MYPN: variants seen among roughly 807,000 people sequenced by gnomAD.
MYPN encodes the protein myopalladin.
In MYPN, 63 loss-of-function variants were observed where a neutral mutation model predicts 129.4. That is an observed-to-expected ratio of 0.49 (90% CI 0.40 to 0.60). The LOEUF (loss-of-function observed/expected upper bound fraction) is 0.60. Among genes scored for constraint, MYPN ranks in the 20% least tolerant of loss-of-function variants. The pLI is 0.00. For synonymous variants in MYPN, 629 were observed against 600.9 expected (o/e 1.05, Z -0.68); for missense variants, 1,596 against 1,635.4 (o/e 0.98, Z 0.42).
chr10:68,120,900 T>C (rs2042231150), intron 1 of MYPN, among the ~76,000 whole-genome samples: 1 of 152,198 alleles, frequency 6.6e-6, no homozygotes, highest in Non-Finnish European at 1.5e-5. Flanking sequence ...GTGGTAATCA[T>C]CCAGGTCTTT....
chr10:68,138,213 C>A (rs2042518198), intron 2 of MYPN, among the ~76,000 whole-genome samples: 1 of 151,584 alleles, frequency 6.6e-6, no homozygotes, highest in Non-Finnish European at 1.5e-5. Flanking sequence ...AGCGATTCTC[C>A]TTCCTCAGTC....
intron 1 of MYPN, among the ~76,000 whole-genome samples, chr10:68,091,896 T>A (rs1185271284): frequency 6.6e-6 from 1 of 151,720 alleles, no homozygotes; most frequent in Non-Finnish European, 1.5e-5. Context: ...GTAATTCTGC[T>A]CCCTGGCTAT....
intron 1 of MYPN, among the ~76,000 whole-genome samples, chr10:68,112,450 T>G (rs2042095396): frequency 6.6e-6 from 1 of 152,156 alleles, no homozygotes; most frequent in Non-Finnish European, 1.5e-5. Flanking sequence ...CTTTTACCAA[T>G]TCGATTAAAA....
chr10:68,105,850 G>A (rs1018318630), upstream of MYPN, among the ~76,000 whole-genome samples: 1 of 152,066 alleles, frequency 6.6e-6, no homozygotes, highest in Non-Finnish European at 1.5e-5. Context: ...CTTTATTCTT[G>A]AGAATTTCTT....
intron 16 of MYPN, 70 bp downstream of exon 16, chr10:68,197,548 T>C: frequency 1.3e-6 from 2 of 1,599,896 alleles, no homozygotes; most frequent in Non-Finnish European, 1.7e-6. Context: ...TCATTTTTAT[T>C]TGTATTTGTT....
At chr10:68,090,223 C>T (rs769729510) in intron 1 of MYPN, among the ~76,000 whole-genome samples, 8 of 151,956 alleles carry the variant, frequency 5.3e-5, no homozygotes, top group East Asian at 1.9e-4. Flanking sequence ...AGTGCAGTGG[C>T]GCAATCTCAG....
chr10:68,182,513 A>AT lies in MYPN; in HGVS notation c.2704-6381dup, dbSNP rs199889782. Among the ~76,000 whole-genome samples, 19 of 131,256 alleles carry AT rather than the reference A, an allele frequency of 1.4e-4. 1 individual carries two copies. The highest frequency in any genetic ancestry group is 9.7e-4 in the South Asian group (4 of 4,134). 86.1% of individuals were successfully genotyped at this position (131,256 alleles called of 152,430 possible). On this transcript the variant is annotated intron_variant, in intron 12 of 19. Coordinates refer to ENST00000358913, the MANE Select transcript of MYPN (RefSeq NM_032578.4). ...ACACACACACATATATATATATGGC[A>AT]TTTTTTTTTTTGAGATGGAGTTTTA...
At chr10:68,186,205 A>G (rs1245742848) in intron 12 of MYPN, among the ~76,000 whole-genome samples, 1 of 152,204 alleles carries the variant, frequency 6.6e-6, no homozygotes, top group African/African-American at 2.4e-5. Context: ...TTTCCACCCT[A>G]TAAGAACTGT....
Position 68,174,514 on chromosome 10 carries a change from C to A in MYPN, c.2422C>A (p.Gln808Lys). The change falls in exon 11 of 20, where the codon CAG (glutamine) becomes AAG (lysine). Residue 808 changes from glutamine (Q) to lysine (K), a missense_variant. Gln to Lys is a moderately conservative substitution (Grantham distance 53, BLOSUM62 1). Transcript: ENST00000358913. The stretch of plus-strand genomic sequence containing the variant: ...TTCCATCCCCAGCGGAAACCAGTTT[C>A]AGCCCCGCTGTGTGTCCCCAATTCC... ...TFSIPSGNQF[Q>K]PRCVSPIPVS... The A allele has an allele frequency of 6.2e-7, 1 of 1,614,142 alleles. No homozygotes were observed. The highest frequency in any genetic ancestry group is 8.5e-7 in the Non-Finnish European group (1 of 1,179,992).
chr10:68,107,246 C>A (rs1230879839), upstream of MYPN, among the ~76,000 whole-genome samples: 1 of 150,124 alleles, frequency 6.7e-6, no homozygotes, highest in Admixed American at 6.7e-5. Flanking sequence ...TCAAAGAGCT[C>A]AAAAATTGTG....
chr10:68,124,115 A>G (rs993631633), intron 2 of MYPN, among the ~76,000 whole-genome samples: 2 of 152,184 alleles, frequency 1.3e-5, no homozygotes, highest in African/African-American at 4.8e-5. Flanking sequence ...TGACTAGGCT[A>G]TACCTAATTT....
chr10:68,106,710 CA>C (rs762778536), upstream of MYPN: 15 of 716,940 alleles, frequency 2.1e-5, 1 homozygote, highest in South Asian at 2.2e-4. Flanking sequence ...AATCTACTAG[CA>C]TGGAAATTCT....
intron 10 of MYPN, among the ~76,000 whole-genome samples, chr10:68,169,116 C>A (rs552429914): frequency 7.2e-6 from 1 of 138,736 alleles, no homozygotes; most frequent in African/African-American, 2.8e-5. Context: ...GAGGCCAAGG[C>A]GGGCGGATCA....
At chr10:68,119,938 C>T (rs1317803180) in intron 1 of MYPN, among the ~76,000 whole-genome samples, 1 of 151,912 alleles carries the variant, frequency 6.6e-6, no homozygotes, top group African/African-American at 2.4e-5. Flanking sequence ...TGGGACAGTT[C>T]CTAGGAAGCC....
chr10:68,183,326 G>C (rs2043368791), intron 12 of MYPN, among the ~76,000 whole-genome samples: 1 of 152,126 alleles, frequency 6.6e-6, no homozygotes. Context: ...AGGTGTGGGG[G>C]TGCTGTGTGC....
At chr10:68,206,999 T>A (rs1379925309) in intron 19 of MYPN, 96 bp downstream of exon 19, 2 of 1,488,320 alleles carry the variant, frequency 1.3e-6, no homozygotes, top group Non-Finnish European at 1.8e-6. Context: ...GGCTCATGCC[T>A]GTAATCCCAG....
rs781212389 is a variant in MYPN at position 68,211,352 on chromosome 10, C to T, written c.*897C>T. The T allele has an allele frequency of 2.2e-6, 1 of 451,828 alleles. No individual in the cohort carries two copies. Among genetic ancestry groups the T allele is most frequent in the Non-Finnish European group, 4.4e-6 (1 of 226,160 alleles). 28.0% of individuals were successfully genotyped at this position (451,828 alleles called of 1,614,324 possible). On this transcript the variant is annotated 3_prime_UTR_variant, in exon 20 of 20. Transcript: ENST00000358913. ...ACCTCATGGGCTCCTACCCCTTTCC[C>T]CAAAAGTCTGAAAGTGTAGGAGGAA...
intron 17 of MYPN, among the ~76,000 whole-genome samples, chr10:68,199,844 A>G (rs1336658898): frequency 6.6e-6 from 1 of 152,246 alleles, no homozygotes; most frequent in Non-Finnish European, 1.5e-5. Context: ...ATTAGCTGTC[A>G]CTAAATTCCA....
chr10:68,120,948 T>C (rs2042231759), intron 1 of MYPN, among the ~76,000 whole-genome samples: 1 of 152,218 alleles, frequency 6.6e-6, no homozygotes, highest in African/African-American at 2.4e-5. Flanking sequence ...TGTTCTTATT[T>C]ATTTCATAAT....
Sources: allele counts gnomAD v4.1 joint callset (sites outside exome capture counted in the v4.1 genomes callset), GRCh38; gene constraint gnomAD v4.1.1; transcripts MANE v1.5; gene names NCBI Gene and HGNC (gene_info 2026-07-23, HGNC 2026-07-21).